The following MTUS1 variants were observed in gnomAD, a reference collection of about 807,000 sequenced individuals.
MTUS1 encodes microtubule associated scaffold protein 1, also known as microtubule-associated tumor suppressor 1.
A neutral mutation model predicts 120.8 loss-of-function variants in MTUS1; 109 were observed. The ratio of observed to expected loss-of-function variants is 0.90; its 90% CI spans 0.77 to 1.06. The LOEUF is 1.06. Ranked by LOEUF, MTUS1 falls within the 50% of genes least tolerant of loss-of-function variation. The pLI is 0.00. For synonymous variants in MTUS1, 737 were observed against 550.5 expected, an observed-to-expected ratio of 1.34 and a Z score of -4.74; for missense variants, 2,210 against 1,486.3, an observed-to-expected ratio of 1.49 and a Z score of -8.01.
chr8:17,677,807 A>T (rs1427770416), intron 7 of MTUS1, among the ~76,000 whole-genome samples: 2 of 152,178 alleles, frequency 1.3e-5, no homozygotes, highest in Non-Finnish European at 1.5e-5. Flanking sequence ...CTTCCCTTGT[A>T]ATGTGACACC....
intron 3 of MTUS1, among the ~76,000 whole-genome samples, chr8:17,733,553 G>A (rs1323438749): frequency 2.6e-5 from 4 of 152,154 alleles, no homozygotes; most frequent in Admixed American, 6.5e-5. Context: ...CTACTGGGAA[G>A]AGAGTAGTGT....
intron 3 of MTUS1, among the ~76,000 whole-genome samples, chr8:17,734,789 T>G (rs1031611381): frequency 3.3e-5 from 5 of 152,194 alleles, no homozygotes; most frequent in Non-Finnish European, 7.3e-5. Context: ...TAATAATGCC[T>G]GATAAGAACA....
At chr8:17,744,397 C>A (rs969057829) in intron 2 of MTUS1, among the ~76,000 whole-genome samples, 2 of 152,120 alleles carry the variant, frequency 1.3e-5, no homozygotes, top group African/African-American at 4.8e-5. Flanking sequence ...ACACTCCTTT[C>A]TATTGATTTC....
chr8:17,746,233 A>C (rs1378644512), intron 2 of MTUS1, among the ~76,000 whole-genome samples: 1 of 152,110 alleles, frequency 6.6e-6, no homozygotes, highest in Non-Finnish European at 1.5e-5. Context: ...CTGCTGTTTC[A>C]ATTGCCACGT....
At chr8:17,785,842 G>A (rs370921184) in intron 1 of MTUS1, among the ~76,000 whole-genome samples, 12 of 152,192 alleles carry the variant, frequency 7.9e-5, no homozygotes, top group East Asian at 1.9e-4. Context: ...TGAGAGGGCC[G>A]ATGGATCAGC....
chr8:17,721,945 T>G, intron 4 of MTUS1: 2 of 1,582,830 alleles, frequency 1.3e-6, no homozygotes, highest in Non-Finnish European at 1.7e-6. Context: ...ACTGCAGCCA[T>G]GTTCACTCTC....
At chr8:17,766,021 TAA>T (rs2049459261) in intron 1 of MTUS1, among the ~76,000 whole-genome samples, 1 of 152,156 alleles carries the variant, frequency 6.6e-6, no homozygotes, top group African/African-American at 2.4e-5. Flanking sequence ...CACTACAAAT[TAA>T]GAGACCTTTA....
At chr8:17,702,841 A>AC (rs1382755740) in intron 6 of MTUS1, among the ~76,000 whole-genome samples, 1 of 152,150 alleles carries the variant, frequency 6.6e-6, no homozygotes, top group Non-Finnish European at 1.5e-5. Context: ...GGAGTCAGGG[A>AC]CCCCGAATGG....
Position 17,752,975 on chromosome 8 carries a change from T to C in MTUS1, c.2091+742A>G, listed in dbSNP as rs548370845. ...TGCATGTTTAAAGGAAAATCACCTT[T>C]ACACTGCATGTGAATTCTTTATTCT... On this transcript the variant is annotated intron_variant, in intron 2 of 14. Transcript: ENST00000693296. Among the ~76,000 whole-genome samples, 6 of 152,354 alleles carry C rather than the reference T, an allele frequency of 3.9e-5. 1 individual carries two copies. In the South Asian group the frequency reaches 1.2e-3, roughly 32 times the overall value.
intron 1 of MTUS1, among the ~76,000 whole-genome samples, chr8:17,790,445 A>G (rs2051682218): frequency 6.6e-6 from 1 of 152,192 alleles, no homozygotes; most frequent in Non-Finnish European, 1.5e-5. Flanking sequence ...CAAAAAATCT[A>G]ATTATTCAAA....
chr8:17,707,134 A>G (rs546472075), intron 6 of MTUS1, among the ~76,000 whole-genome samples: 2 of 152,326 alleles, frequency 1.3e-5, no homozygotes, highest in South Asian at 2.1e-4. Flanking sequence ...TGTATCAGCT[A>G]AAATATGACT....
intron 1 of MTUS1, among the ~76,000 whole-genome samples, chr8:17,766,207 G>A (rs1210854208): frequency 6.6e-6 from 1 of 152,158 alleles, no homozygotes; most frequent in Non-Finnish European, 1.5e-5. Context: ...GCAAAAACAA[G>A]TCTTATCAGT....
At chr8:17,726,450 G>C (rs1053547752) in intron 3 of MTUS1, among the ~76,000 whole-genome samples, 2 of 152,108 alleles carry the variant, frequency 1.3e-5, no homozygotes, top group African/African-American at 4.8e-5. Flanking sequence ...TTCAATTCTG[G>C]TCCTCAGGAA....
At chr8:17,795,322 A>C (rs1038494819) in intron 1 of MTUS1, among the ~76,000 whole-genome samples, 6 of 152,336 alleles carry the variant, frequency 3.9e-5, no homozygotes, top group South Asian at 2.1e-4. Context: ...TAAATGTTTT[A>C]GTTAACAGTA....
rs922229590 is a variant in MTUS1 at position 17,754,719 on chromosome 8, T to C, written c.1089A>G (p.Gln363=). ...TGACTTTATGCTCTGGGTTCAGCAC[T>C]TGAGCTTCGCTCTTATCAAAAGCTG... is the stretch of plus-strand genomic sequence containing the variant. ...MVPAFDKSEA[Q]VLNPEHKVTE... is the part of the protein sequence containing the mutation. Residue 363 remains glutamine (Q), a synonymous_variant, in exon 2 of 15, where the codon CAA becomes CAG. Coordinates refer to ENST00000693296, the MANE Select transcript of MTUS1 (RefSeq NM_001363059.2). 4.9e-5 allele frequency: 79 copies of C among 1,614,264 alleles called. No individual in the cohort carries two copies. The highest frequency in any genetic ancestry group is 6.5e-5 in the Non-Finnish European group (77 of 1,180,042).
At chr8:17,799,724 T>C (rs2131624615) in intron 1 of MTUS1, among the ~76,000 whole-genome samples, 1 of 152,290 alleles carries the variant, frequency 6.6e-6, no homozygotes, top group South Asian at 2.1e-4. Flanking sequence ...CCAAGCATGA[T>C]TTTCTACCAA....
chr8:17,731,806 T>A (rs1317686929), intron 3 of MTUS1, among the ~76,000 whole-genome samples: 1 of 152,240 alleles, frequency 6.6e-6, no homozygotes, highest in African/African-American at 2.4e-5. Context: ...ATAACTTTTA[T>A]TATTATTCTT....
chr8:17,749,836 G>T (rs78870898), intron 2 of MTUS1, among the ~76,000 whole-genome samples: 1,964 of 152,092 alleles, frequency 0.013, 40 homozygotes, highest in African/African-American at 0.044. Context: ...GCTGTACCTC[G>T]ATCACCTTAG....
intron 4 of MTUS1, chr8:17,721,971 G>A (rs2045879946): frequency 1.4e-6 from 2 of 1,453,846 alleles, no homozygotes; most frequent in South Asian, 3.3e-5. Flanking sequence ...CCTCATGCTT[G>A]CTCTTAGTGA....
Sources: allele counts gnomAD v4.1 joint callset (sites outside exome capture counted in the v4.1 genomes callset), GRCh38; gene constraint gnomAD v4.1.1; transcripts MANE v1.5; gene names NCBI Gene and HGNC (gene_info 2026-07-23, HGNC 2026-07-21).